GPR37: variants seen among roughly 807,000 people sequenced by gnomAD.
GPR37 encodes the protein G protein-coupled receptor 37, also known as prosaposin receptor GPR37.
GPR37 carries 20 observed loss-of-function variants against 43.6 expected under a neutral mutation model. That is an observed-to-expected ratio of 0.46 (90% CI 0.32 to 0.67). GPR37 has a LOEUF of 0.67. Ranked by LOEUF, GPR37 falls within the 30% of genes least tolerant of loss-of-function variation. The probability of loss-of-function intolerance (pLI) is 0.03; values close to 1 mark genes in which losing one functional copy is unlikely to be tolerated. For missense variants in GPR37, 724 were observed against 797.2 expected, an observed-to-expected ratio of 0.91 and a Z score of 1.11; for synonymous variants, 315 against 322.6, an observed-to-expected ratio of 0.98 and a Z score of 0.25.
At chr7:124,748,381 T>A (rs1793696507) in intron 1 of GPR37, among the ~76,000 whole-genome samples, 2 of 152,016 alleles carry the variant, frequency 1.3e-5, no homozygotes, top group South Asian at 2.1e-4. Context: ...TTTAAAATAA[T>A]CCCAGGCACC....
In GPR37 at chr7:124,747,199, C is replaced by T; in HGVS notation, c.1168G>A (p.Ala390Thr). The T allele has an allele frequency of 6.2e-7, 1 of 1,613,940 alleles. No homozygotes were observed. ...ACTTCTGGAAGTGCTAACAATAGAG[C>T]TCCCACCCATATAACAGCAAGTTTG... ...TAKLAVIWVG[A>T]LLLALPEVVL... The change falls in exon 2 of 2, where the codon GCT (alanine) becomes ACT (threonine). Residue 390 changes from alanine to threonine, a missense_variant. Ala to Thr is a moderately conservative substitution (Grantham distance 58, BLOSUM62 0). Transcript: ENST00000303921.
chr7:124,747,226 C>T lies in GPR37; in HGVS notation c.1141G>A (p.Ala381Thr), dbSNP rs771385378. 8.1e-6 allele frequency: 13 copies of T among 1,613,866 alleles called. No homozygotes were observed. The highest frequency in any genetic ancestry group is 1.0e-5 in the Non-Finnish European group (12 of 1,179,870). The change falls in exon 2 of 2, where the codon GCC becomes ACC. Residue 381 changes from alanine (A) to threonine (T), a missense_variant. Ala to Thr is a moderately conservative substitution (Grantham distance 58). Around this residue, in one of 2 missense-constraint regions of GPR37, gnomAD observed 342 missense variants for 441.8 expected, o/e 0.77. Transcript: ENST00000303921. Reference sequence around the variant, plus strand: ...CCCACCCATATAACAGCAAGTTTGGCAGTTGTTGAGGAACAGTTTTCGATC... The same window carrying T: ...CCCACCCATATAACAGCAAGTTTGGTAGTTGTTGAGGAACAGTTTTCGATC... ...EMIENCSSTT[A>T]KLAVIWVGAL...
At chr7:124,753,033 T>C (rs1793749953) in intron 1 of GPR37, among the ~76,000 whole-genome samples, 1 of 152,128 alleles carries the variant, frequency 6.6e-6, no homozygotes, top group South Asian at 2.1e-4. Flanking sequence ...ATTAGCTTTA[T>C]ATGTTACTTT....
At chr7:124,750,335 C>T (rs1793717463) in intron 1 of GPR37, among the ~76,000 whole-genome samples, 1 of 152,234 alleles carries the variant, frequency 6.6e-6, no homozygotes, top group Non-Finnish European at 1.5e-5. Context: ...GCATGCTTCC[C>T]CGTCACTTTA....
rs1793896849 is a variant in GPR37, at chr7:124,764,772, C to A, written c.205G>T (p.Ala69Ser). 3 of 1,613,016 alleles carry A rather than the reference C, an allele frequency of 1.9e-6. No individual in the cohort carries two copies. Among genetic ancestry groups the A allele is most frequent in the South Asian group, 1.1e-5 (1 of 91,076 alleles). The change falls in exon 1 of 2, where the codon GCC becomes TCC. Residue 69 changes from alanine (A) to serine (S), a missense_variant. Around this residue, in one of 2 missense-constraint regions of GPR37, gnomAD observed 382 missense variants for 355.4 expected, o/e 1.07. Coordinates refer to ENST00000303921, the MANE Select transcript of GPR37 (RefSeq NM_005302.5). This position sits in a 1 kb window ranked among gnomAD's most constrained non-coding sequence, Gnocchi z 5.4. ...PGNSARDVLRARAPREEQGAA... is the reference protein window; with the variant it reads ...PGNSARDVLRSRAPREEQGAA... Reference sequence around the variant, plus strand: ...CCCTGCTCCTCCCTGGGTGCTCGGGCTCGCAGAACGTCTCTTGCAGAATTT... The same window carrying A: ...CCCTGCTCCTCCCTGGGTGCTCGGGATCGCAGAACGTCTCTTGCAGAATTT...
At chr7:124,756,483 C>T (rs1225123595) in intron 1 of GPR37, among the ~76,000 whole-genome samples, 1 of 152,214 alleles carries the variant, frequency 6.6e-6, no homozygotes, top group Non-Finnish European at 1.5e-5. Context: ...AAAGTACCTA[C>T]ACTTACTCTG....
At chr7:124,759,306 A>G (rs1584726435) in intron 1 of GPR37, among the ~76,000 whole-genome samples, 1 of 152,118 alleles carries the variant, frequency 6.6e-6, no homozygotes, top group Non-Finnish European at 1.5e-5. Context: ...GGCTTAAGCA[A>G]TCTGCCTGCA....
At chr7:124,759,909 T>C (rs1008118205) in intron 1 of GPR37, among the ~76,000 whole-genome samples, 2 of 152,208 alleles carry the variant, frequency 1.3e-5, no homozygotes, top group Admixed American at 6.5e-5. Flanking sequence ...CATATTTTTC[T>C]ACACAAACCC....
At chr7:124,747,375 G>T in intron 1 of GPR37, 32 bp from the exon 2 acceptor site, 1 of 1,409,464 alleles carries the variant, frequency 7.1e-7, no homozygotes, top group Non-Finnish European at 9.8e-7. Flanking sequence ...ATTTATTCCC[G>T]GTGTCCCCCG....
chr7:124,765,265 C>G lies in GPR37; in HGVS notation c.-289G>C. 2.7e-6 allele frequency: 1 copy of G among 363,788 alleles called. No homozygotes were observed. The highest frequency in any genetic ancestry group is 4.9e-6 in the Non-Finnish European group (1 of 203,812). 22.5% of individuals were successfully genotyped at this position (363,788 alleles called of 1,614,324 possible). On this transcript the variant is annotated 5_prime_UTR_variant, in exon 1 of 2. Transcript: ENST00000303921. ...GAATAGGCTACTCCCGGTGGCTGACCTTGAAAAGTTGCAATCAACACCTGA... is the reference window on the plus strand; with the variant it reads ...GAATAGGCTACTCCCGGTGGCTGACGTTGAAAAGTTGCAATCAACACCTGA...
chr7:124,752,744 T>C (rs1269784987), intron 1 of GPR37, among the ~76,000 whole-genome samples: 1 of 152,184 alleles, frequency 6.6e-6, no homozygotes, highest in African/African-American at 2.4e-5. Flanking sequence ...GCAAATATCA[T>C]CTATGTCCTA....
chr7:124,765,209 A>G lies in GPR37; in HGVS notation c.-233T>C, dbSNP rs962012791. 6.6e-6 allele frequency: 3 copies of G among 452,176 alleles called. No homozygotes were observed. Among genetic ancestry groups the G allele is most frequent in the Middle Eastern group, 5.6e-4 (1 of 1,798 alleles). The allele number at this position is 452,176 out of a possible 1,614,324, so 28.0% of individuals were successfully genotyped here. A position where few individuals can be genotyped will look rare whatever the true frequency, so the allele number is the denominator to read the frequency against. ...GCATTTCTCAGCCAAGTTGAGTCCC[A>G]GCAAGGTATGCCCTCCAAGGTTCCT... On this transcript the variant is annotated 5_prime_UTR_variant, in exon 1 of 2. Transcript: ENST00000303921.
Position 124,746,293 on chromosome 7 carries a change from C to T in GPR37, c.*232G>A. 1 of 371,814 alleles carries T rather than the reference C, an allele frequency of 2.7e-6. No homozygotes were observed. Among genetic ancestry groups the T allele is most frequent in the Non-Finnish European group, 4.8e-6 (1 of 209,276 alleles). The allele number at this position is 371,814 out of a possible 1,614,324, so 23.0% of individuals were successfully genotyped here. A position where few individuals can be genotyped will look rare whatever the true frequency, so the allele number is the denominator to read the frequency against. On this transcript the variant is annotated 3_prime_UTR_variant, in exon 2 of 2. Transcript: ENST00000303921. ...TTTCAAATAAAATATTAGCACCATA[C>T]CAGATAAAATAATCTAAAACTATTG... is the stretch of plus-strand genomic sequence containing the variant.
Position 124,747,040 on chromosome 7 carries a change from G to C in GPR37, c.1327C>G (p.Leu443Val), listed in dbSNP as rs759162117. The C allele has an allele frequency of 3.3e-5, 53 of 1,613,832 alleles. No individual in the cohort carries two copies. Among genetic ancestry groups the C allele is most frequent in the Non-Finnish European group, 4.2e-5 (49 of 1,179,910 alleles). Residue 443 changes from leucine to valine, a missense_variant, in exon 2 of 2, where the codon CTG (leucine) becomes GTG (valine). Physicochemically the swap from Leu to Val is conservative, Grantham distance 32. Transcript: ENST00000303921. The stretch of plus-strand genomic sequence containing the variant: ...AAGTAACAGCCAAAATACCACCACA[G>C]TCTCGCACTGTCGTAGGTGAGGGCT... ...VLALTYDSARLWWYFGCYFCL... is the reference protein window; with the variant it reads ...VLALTYDSARVWWYFGCYFCL...
At chr7:124,747,830 T>C (rs1227761033) in intron 1 of GPR37, among the ~76,000 whole-genome samples, 1 of 152,118 alleles carries the variant, frequency 6.6e-6, no homozygotes, top group South Asian at 2.1e-4. Flanking sequence ...TTGTCTCCAA[T>C]GGACTAAATG....
chr7:124,754,455 C>T lies in GPR37; in HGVS notation c.1024-7112G>A, dbSNP rs376002721. Among the ~76,000 whole-genome samples, 201 of 152,134 alleles carry T rather than the reference C, an allele frequency of 1.3e-3. 1 individual carries two copies. The highest frequency in any genetic ancestry group is 5.6e-3 in the South Asian group (27 of 4,820). ...AAATCATAAAGTAAATTGTGTCTTT[C>T]GCAAAACTTTCCGGTACAAATCAGT... On this transcript the variant is annotated intron_variant, in intron 1 of 1. Coordinates refer to ENST00000303921, the MANE Select transcript of GPR37 (RefSeq NM_005302.5).
Position 124,764,828 on chromosome 7 carries a change from T to A in GPR37, c.149A>T (p.Gln50Leu). 2 of 1,613,722 alleles carry A rather than the reference T, an allele frequency of 1.2e-6. No individual in the cohort carries two copies. The highest frequency in any genetic ancestry group is 1.7e-6 in the Non-Finnish European group (2 of 1,180,000). Residue 50 changes from glutamine (Q) to leucine (L), a missense_variant, in exon 1 of 2, where the codon CAG becomes CTG. Gln to Leu is a moderately radical substitution (Grantham distance 113, BLOSUM62 -2). Coordinates refer to ENST00000303921, the MANE Select transcript of GPR37 (RefSeq NM_005302.5). The surrounding 1 kb of genome is among the most constrained non-coding windows in gnomAD (Gnocchi z 5.4). ...TCCCCAGGCGTCCCTGCCGCGGCGC[T>A]GGATCACTGTAGGTGCACAGCTCTC... is the stretch of plus-strand genomic sequence containing the variant. ...LGESCAPTVI[Q>L]RRGRDAWGPG...
Position 124,746,594 on chromosome 7 carries a change from G to C in GPR37, c.1773C>G (p.Leu591=). The change falls in exon 2 of 2, where the codon CTC becomes CTG. Residue 591 remains leucine (L), a synonymous_variant. Transcript: ENST00000303921. ...DDNDNEYTTE[L]ELSPFSTIRR... is the part of the protein sequence containing the mutation. ...GTATGGTACTGAAAGGCGAGAGTTC[G>C]AGTTCCGTGGTGTACTCGTTGTCAT... 6.2e-7 allele frequency: 1 copy of C among 1,613,822 alleles called. No individual in the cohort carries two copies. The highest frequency in any genetic ancestry group is 8.5e-7 in the Non-Finnish European group (1 of 1,179,806).
intron 1 of GPR37, among the ~76,000 whole-genome samples, chr7:124,755,338 A>G (rs1793780444): frequency 6.6e-6 from 1 of 152,174 alleles, no homozygotes; most frequent in Admixed American, 6.5e-5. Flanking sequence ...TTTTGAAAGC[A>G]TCAACTATCA....
Sources: allele counts gnomAD v4.1 joint callset (sites outside exome capture counted in the v4.1 genomes callset), GRCh38; gene constraint gnomAD v4.1.1; regional missense constraint gnomAD v4.1.1; non-coding constraint Gnocchi (gnomAD v3.1); transcripts MANE v1.5; gene names NCBI Gene and HGNC (gene_info 2026-07-23, HGNC 2026-07-21).